The following NPHS1 variants were observed in gnomAD, a reference collection of about 807,000 sequenced individuals.
NPHS1 encodes nephrin.
NPHS1 carries 107 observed loss-of-function variants against 139.7 expected under a neutral mutation model. That is an observed-to-expected ratio of 0.77 (90% confidence interval 0.66 to 0.90). NPHS1 has a LOEUF of 0.90. NPHS1 is among the 40% of genes least tolerant of loss of function. NPHS1 has a pLI of 0.00. For synonymous variants in NPHS1, 707 were observed against 706.6 expected, an observed-to-expected ratio of 1.00 and a Z score of -0.01; for missense variants, 1,580 against 1,654.2, an observed-to-expected ratio of 0.96 and a Z score of 0.78.
Position 35,848,173 on chromosome 19 carries a change from G to C in NPHS1, c.1316-8C>G, listed in dbSNP as rs780551842. The C allele has an allele frequency of 6.2e-7, 1 of 1,614,068 alleles. No individual in the cohort carries two copies. Among genetic ancestry groups the C allele is most frequent in the Non-Finnish European group, 8.5e-7 (1 of 1,180,034 alleles). On this transcript the variant is annotated splice_region_variant and splice_polypyrimidine_tract_variant and intron_variant, in intron 10 of 28. Coordinates refer to ENST00000378910, the MANE Select transcript of NPHS1 (RefSeq NM_004646.4). Reference sequence around the variant, plus strand: ...ACAGTTTCTGGGCGGGATCTGGCGGGGAGAGGAAGGAAGAATGACTTTTTC... The same window carrying C: ...ACAGTTTCTGGGCGGGATCTGGCGGCGAGAGGAAGGAAGAATGACTTTTTC...
chr19:35,828,804 G>T (rs11084831), intron 28 of NPHS1, among the ~76,000 whole-genome samples: 53,152 of 152,118 alleles, frequency 0.35, 10,327 homozygotes, highest in East Asian at 0.66. Context: ...ATCCGGCCCT[G>T]TTCGGAAAAA....
rs746481345 is a variant in NPHS1 at position 35,848,789 on chromosome 19, G to A, written c.1018C>T (p.Pro340Ser). Residue 340 changes from proline to serine, a missense_variant, in exon 9 of 29, where the codon CCT (proline) becomes TCT (serine). Coordinates refer to ENST00000378910, the MANE Select transcript of NPHS1 (RefSeq NM_004646.4). ...GATCCCAAGATAATAATGGCACTAG[G>A]GGGAACTGCAGGGACAGAGAAGGAA... is the stretch of plus-strand genomic sequence containing the variant. ...HGITLQVTFP[P>S]SAIIILGSAS... 6.2e-7 allele frequency: 1 copy of A among 1,614,186 alleles called. No homozygotes were observed. The highest frequency in any genetic ancestry group is 1.1e-5 in the South Asian group (1 of 91,076).
chr19:35,851,521 G>A lies in NPHS1; in HGVS notation c.210C>T (p.Leu70=), dbSNP rs757063027. 6.2e-7 allele frequency: 1 copy of A among 1,613,798 alleles called. No individual in the cohort carries two copies. The highest frequency in any genetic ancestry group is 8.5e-7 in the Non-Finnish European group (1 of 1,180,016). ...SAVQWAKDGL[L]LGPDPRIPGF... Reference sequence around the variant, plus strand: ...CTGGGATCCTGGGGTCGGGGCCCAGGAGCAGCCCATCTTTGGCCCATTGCA... The same window carrying A: ...CTGGGATCCTGGGGTCGGGGCCCAGAAGCAGCCCATCTTTGGCCCATTGCA... Residue 70 remains leucine (L), a synonymous_variant, in exon 2 of 29, where the codon CTC becomes CTT. Transcript: ENST00000378910.
At chr19:35,837,981 G>A (rs1972996876) in intron 22 of NPHS1, among the ~76,000 whole-genome samples, 1 of 150,096 alleles carries the variant, frequency 6.7e-6, no homozygotes, top group African/African-American at 2.5e-5. Context: ...TCCAGTCGTG[G>A]TGGCTCACAC....
At chr19:35,841,963 T>A (rs1973062450) in intron 19 of NPHS1, 97 bp from the exon 20 acceptor site, 2 of 1,433,744 alleles carry the variant, frequency 1.4e-6, no homozygotes, top group South Asian at 2.5e-5. Context: ...ACCGTCTGCC[T>A]ATCTATCCAT....
At position 35,845,004 on chromosome 19, in the gene NPHS1, G is replaced by C. The variant is rs2146822867; in HGVS notation, c.1930+364C>G. Among the ~76,000 whole-genome samples the C allele has an allele frequency of 6.6e-6, 1 of 152,072 alleles. No homozygotes were observed. The highest frequency in any genetic ancestry group is 2.4e-5 in the African/African-American group (1 of 41,504). On this transcript the variant is annotated intron_variant, in intron 14 of 28. Transcript: ENST00000378910. The surrounding 1 kb of genome is among the most constrained non-coding windows in gnomAD (Gnocchi z 5.5). ...AAAAATCAGCCTAGCATAGTGGCACGCGCCTGTAATCCCAGCACTTTGAGA... is the reference window on the plus strand; with the variant it reads ...AAAAATCAGCCTAGCATAGTGGCACCCGCCTGTAATCCCAGCACTTTGAGA...
chr19:35,830,937 C>A lies in NPHS1; in HGVS notation c.3501G>T (p.Glu1167Asp). 1 of 1,613,768 alleles carries A rather than the reference C, an allele frequency of 6.2e-7. No individual in the cohort carries two copies. The highest frequency in any genetic ancestry group is 8.5e-7 in the Non-Finnish European group (1 of 1,179,652). The change falls in exon 28 of 29, where the codon GAG becomes GAT. Residue 1167 changes from glutamate (E) to aspartate (D), a missense_variant. Glu to Asp is a conservative substitution (Grantham distance 45, BLOSUM62 2). Coordinates refer to ENST00000378910, the MANE Select transcript of NPHS1 (RefSeq NM_004646.4). Reference protein sequence around the residue: ...SYSRGFTGEDEDMAFPGHLYD... With the variant: ...SYSRGFTGEDDDMAFPGHLYD... Reference sequence around the variant, plus strand: ...ACAAGTGCCCAGGGAAGGCCATATCCTCATCTTCACCTGTGAAACCTGGAG... The same window carrying A: ...ACAAGTGCCCAGGGAAGGCCATATCATCATCTTCACCTGTGAAACCTGGAG...
chr19:35,826,232 T>A lies in NPHS1; in HGVS notation c.*282A>T. The A allele has an allele frequency of 2.5e-6, 1 of 393,412 alleles. No homozygotes were observed. The highest frequency in any genetic ancestry group is 4.8e-6 in the Non-Finnish European group (1 of 206,780). 24.4% of individuals were successfully genotyped at this position (393,412 alleles called of 1,614,324 possible). ...AAAGTGCTGGGATTATAGGCGTGAG[T>A]CACCGCACCCGGCAGCATTTCATTT... On this transcript the variant is annotated 3_prime_UTR_variant, in exon 29 of 29. Coordinates refer to ENST00000378910, the MANE Select transcript of NPHS1 (RefSeq NM_004646.4).
intron 16 of NPHS1, 100 bp from the exon 17 acceptor site, chr19:35,843,693 G>T: frequency 2.0e-6 from 3 of 1,489,496 alleles, no homozygotes; most frequent in Middle Eastern, 2.3e-4. Context: ...TTCCAGGAAA[G>T]TTATGGGTGT....
In NPHS1 at chr19:35,826,378, C is replaced by G; in HGVS notation, c.*136G>C. Reference sequence around the variant, plus strand: ...TGAACCATCTCTGTCACTCAGCCCCCTCCATGTCCTCTCCTGACACCAAGT... The same window carrying G: ...TGAACCATCTCTGTCACTCAGCCCCGTCCATGTCCTCTCCTGACACCAAGT... On this transcript the variant is annotated 3_prime_UTR_variant, in exon 29 of 29. Transcript: ENST00000378910. 1 of 992,968 alleles carries G rather than the reference C, an allele frequency of 1.0e-6. No individual in the cohort carries two copies. Among genetic ancestry groups the G allele is most frequent in the Non-Finnish European group, 1.6e-6 (1 of 636,364 alleles). 61.5% of individuals were successfully genotyped at this position (992,968 alleles called of 1,614,324 possible).
At position 35,848,335 on chromosome 19, in the gene NPHS1, G is replaced by A. The variant is rs374218631; in HGVS notation, c.1233C>T (p.Asn411=). The change falls in exon 10 of 29, where the codon AAC becomes AAT. Residue 411 remains asparagine (N), a synonymous_variant. Coordinates refer to ENST00000378910, the MANE Select transcript of NPHS1 (RefSeq NM_004646.4). ...AGGCCTCACATGTGAGGGTCAGACC[G>A]TTGTCCTCCCGCCGCGCCAGGAATG... ...NLTFLARRED[N]GLTLTCEAFS... is the part of the protein sequence containing the mutation. 5.8e-5 allele frequency: 93 copies of A among 1,614,110 alleles called. 1 individual carries two copies. The highest frequency in any genetic ancestry group is 5.1e-4 in the East Asian group (23 of 44,884).
chr19:35,841,678 G>A (rs1475739558), intron 20 of NPHS1, 37 bp downstream of exon 20: 3 of 1,612,404 alleles, frequency 1.9e-6, no homozygotes, highest in Non-Finnish European at 2.5e-6. Flanking sequence ...GATCCAGGGA[G>A]CACCCCCTCC....
intron 4 of NPHS1, 97 bp from the exon 5 acceptor site, chr19:35,850,542 C>G (rs1407117483): frequency 9.9e-7 from 1 of 1,013,676 alleles, no homozygotes; most frequent in African/African-American, 1.6e-5. Context: ...TGCGATGCCC[C>G]CTCCCTCCTC....
rs113825926 is a variant in NPHS1, at chr19:35,849,107, G to A, written c.881C>T (p.Thr294Ile). The change falls in exon 8 of 29, where the codon ACC becomes ATC. Residue 294 changes from threonine (T) to isoleucine (I), a missense_variant. By Grantham distance (89) the Thr-to-Ile change is moderately conservative. Coordinates refer to ENST00000378910, the MANE Select transcript of NPHS1 (RefSeq NM_004646.4). The stretch of plus-strand genomic sequence containing the variant: ...CAGCACACTGCGGGCCACCGCCTGG[G>A]TGTGCTCTGTGCCCCACGCTGTGGA... The part of the protein sequence containing the change: ...PVSTAWGTEH[T>I]QAVARSVLVM... The A allele has an allele frequency of 0.011, 17,647 of 1,609,588 alleles. 138 individuals carry two copies. Among genetic ancestry groups the A allele is most frequent in the Non-Finnish European group, 0.013 (15,833 of 1,180,000 alleles).
chr19:35,848,018 C>T (rs764368513), intron 11 of NPHS1, 23 bp downstream of exon 11: 1 of 1,612,700 alleles, frequency 6.2e-7, no homozygotes. Context: ...TGGCCACCCC[C>T]ATAGCCCTGG....
rs1419889129 is a variant in NPHS1, at chr19:35,831,635, C to T, written c.3286+8G>A. On this transcript the variant is annotated splice_region_variant and intron_variant, in intron 24 of 28. Coordinates refer to ENST00000378910, the MANE Select transcript of NPHS1 (RefSeq NM_004646.4). ...TCTCCACCCTGGCAGGGAAGGGTCT[C>T]TCCTCACCCTCAGCAAGACGCCTGA... 3.1e-6 allele frequency: 5 copies of T among 1,613,388 alleles called. No individual in the cohort carries two copies. Among genetic ancestry groups the T allele is most frequent in the Non-Finnish European group, 4.2e-6 (5 of 1,179,784 alleles).
At position 35,834,903 on chromosome 19, in the gene NPHS1, T is replaced by TAA. The variant is rs199751686; in HGVS notation, c.3166+800_3166+801dup. Among the ~76,000 whole-genome samples the TAA allele has an allele frequency of 5.0e-3, 559 of 112,758 alleles. 1 individual carries two copies. The highest frequency in any genetic ancestry group is 0.017 in the African/African-American group (520 of 31,228). The allele number at this position is 112,758 out of a possible 152,430, so 74.0% of individuals were successfully genotyped here. A position where few individuals can be genotyped will look rare whatever the true frequency, so the allele number is the denominator to read the frequency against. Reference sequence around the variant, plus strand: ...GAATCCATCTCAAAAAATAAAAAAATAAAAAAAAAAAATGCCGAGTGCCGT... The same window carrying TAA: ...GAATCCATCTCAAAAAATAAAAAAATAAAAAAAAAAAAAATGCCGAGTGCCGT... On this transcript the variant is annotated intron_variant, in intron 23 of 28. Transcript: ENST00000378910.
chr19:35,847,414 G>T (rs1164794961), intron 11 of NPHS1, among the ~76,000 whole-genome samples: 2 of 141,372 alleles, frequency 1.4e-5, no homozygotes, highest in African/African-American at 5.4e-5. Context: ...GAGTGCAGTG[G>T]CACAACCTCG....
At position 35,841,732 on chromosome 19, in the gene NPHS1, A is replaced by G; in HGVS notation, c.2798T>C (p.Ile933Thr). ...CTCCATACTGATGCTGACAAGTTGA[A>G]TGTTGGTTTGGTCCGAGCCAAGGGC... ...TNALGSDQTN[I>T]QLVSISRPDP... Residue 933 changes from isoleucine (I) to threonine (T), a missense_variant, in exon 20 of 29, where the codon ATT (isoleucine) becomes ACT (threonine). Ile to Thr is a moderately conservative substitution (Grantham distance 89, BLOSUM62 -1). Transcript: ENST00000378910. The G allele has an allele frequency of 6.2e-7, 1 of 1,614,142 alleles. No homozygotes were observed. The highest frequency in any genetic ancestry group is 8.5e-7 in the Non-Finnish European group (1 of 1,180,022).
Sources: gnomAD v4.1 joint callset for allele counts (sites outside exome capture counted in the v4.1 genomes callset) on GRCh38, gnomAD v4.1.1 for gene constraint, Gnocchi (gnomAD v3.1) non-coding constraint, MANE v1.5 for transcripts, NCBI Gene and HGNC (gene_info 2026-07-23, HGNC 2026-07-21) for gene names.